Variants in TENM3 observed in about 807,000 individuals in gnomAD.
The protein encoded by TENM3 is teneurin-3.
In TENM3, 63 loss-of-function variants were observed where a neutral mutation model predicts 255.1. The ratio of observed to expected loss-of-function variants is 0.25; its 90% CI spans 0.20 to 0.30. The LOEUF (loss-of-function observed/expected upper bound fraction) is 0.30, where lower values mean the gene tolerates loss of function less well. TENM3 is among the 10% of genes least tolerant of loss of function. The pLI is 1.00. For missense variants in TENM3, 2,929 were observed against 3,461.1 expected (o/e 0.85, Z 3.86); for synonymous variants, 1,306 against 1,322.3 (o/e 0.99, Z 0.27).
At chr4:181,857,346 G>T in the TENM3 span, among the ~76,000 whole-genome samples, 3 of 150,384 alleles carry the variant, frequency 2.0e-5, no homozygotes, top group African/African-American at 7.3e-5. Context: ...GCTGGAGGGG[G>T]CAGGTGAGGG....
intron 1 of TENM3, among the ~76,000 whole-genome samples, chr4:182,269,631 A>G (rs975662592): frequency 1.3e-5 from 2 of 152,048 alleles, no homozygotes; most frequent in Non-Finnish European, 2.9e-5. Context: ...AACTAAGGGG[A>G]CTAATCCTTG....
chr4:182,298,601 A>G (rs1186359097), intron 1 of TENM3, among the ~76,000 whole-genome samples: 2 of 152,198 alleles, frequency 1.3e-5, no homozygotes, highest in African/African-American at 4.8e-5. Context: ...ATATATGGGA[A>G]TCAAGTACTT....
chr4:182,601,770 A>G (rs1747903229), intron 4 of TENM3, among the ~76,000 whole-genome samples: 1 of 152,192 alleles, frequency 6.6e-6, no homozygotes, highest in Non-Finnish European at 1.5e-5. Context: ...TTTTCCCTAC[A>G]ATGAACTGAA....
intron 13 of TENM3, among the ~76,000 whole-genome samples, chr4:182,718,176 T>TAA (rs565679903): frequency 6.8e-6 from 1 of 148,098 alleles, no homozygotes; most frequent in African/African-American, 2.5e-5. Flanking sequence ...TTATTACACG[T>TAA]AAAAAAAAAA....
chr4:181,932,471 CTCACGCCAGTTAGAATGGTGA>C, the TENM3 span, among the ~76,000 whole-genome samples: 2 of 152,214 alleles, frequency 1.3e-5, no homozygotes, highest in Admixed American at 1.3e-4. Context: ...GAGATACCAT[CTCACGCCAGTTAGAATGGTGA>C]TCATTAAAAA....
At chr4:181,924,670 A>C in the TENM3 span, among the ~76,000 whole-genome samples, 1 of 152,168 alleles carries the variant, frequency 6.6e-6, no homozygotes, top group Non-Finnish European at 1.5e-5. Flanking sequence ...TCATCTTTTA[A>C]ATAAGCTTCA....
At chr4:182,121,180 T>C in the TENM3 span, among the ~76,000 whole-genome samples, 88,752 of 151,392 alleles carry the variant, frequency 0.59, 26,254 homozygotes, top group Non-Finnish European at 0.63. Flanking sequence ...GTATTTTTAG[T>C]GGAGACGGGT....
At position 182,679,854 on chromosome 4, in the gene TENM3, G is replaced by T. The variant is rs1261177441; in HGVS notation, c.1515G>T (p.Val505=). 1 of 1,611,648 alleles carries T rather than the reference G, an allele frequency of 6.2e-7. No individual in the cohort carries two copies. The highest frequency in any genetic ancestry group is 2.2e-5 in the East Asian group (1 of 44,846). The part of the protein sequence containing the change: ...FYNDGKNAEQ[V]SFNTIVIESV... Reference sequence around the variant, plus strand: ...ATGATGGGAAAAATGCAGAGCAGGTGTCTTTTAATACCATTGTTATAGGTA... The same window carrying T: ...ATGATGGGAAAAATGCAGAGCAGGTTTCTTTTAATACCATTGTTATAGGTA... Residue 505 remains valine (V), a synonymous_variant, in exon 8 of 28, where the codon GTG becomes GTT. Transcript: ENST00000511685.
At chr4:181,994,229 G>C in the TENM3 span, among the ~76,000 whole-genome samples, 3 of 152,148 alleles carry the variant, frequency 2.0e-5, no homozygotes, top group African/African-American at 7.2e-5. Flanking sequence ...GTTGGTTCAA[G>C]TTAGTATCTT....
the TENM3 span, among the ~76,000 whole-genome samples, chr4:181,673,087 A>C: frequency 0.15 from 23,310 of 152,240 alleles, 2,216 homozygotes; most frequent in East Asian, 0.23. Flanking sequence ...GACCCTAGGC[A>C]TAGCCCTAGC....
chr4:182,084,168 G>A, the TENM3 span, among the ~76,000 whole-genome samples: 4 of 151,928 alleles, frequency 2.6e-5, no homozygotes, highest in African/African-American at 4.8e-5. Context: ...ATGGCCTCCC[G>A]CAGACTCGTT....
At chr4:182,723,854 C>G (rs1759949204) in intron 13 of TENM3, among the ~76,000 whole-genome samples, 1 of 152,158 alleles carries the variant, frequency 6.6e-6, no homozygotes, top group African/African-American at 2.4e-5. Flanking sequence ...CAGAGTTGAA[C>G]AGTCGCCATA....
At chr4:182,129,185 A>C in the TENM3 span, among the ~76,000 whole-genome samples, 2 of 152,236 alleles carry the variant, frequency 1.3e-5, no homozygotes, top group Non-Finnish European at 2.9e-5. Context: ...TTGCTAATGC[A>C]CATAGTCACA....
chr4:182,287,880 G>T (rs1258803771), intron 1 of TENM3, among the ~76,000 whole-genome samples: 1 of 151,866 alleles, frequency 6.6e-6, no homozygotes, highest in African/African-American at 2.4e-5. Context: ...CCCTCCCAAA[G>T]TGCTGGGATT....
At chr4:182,562,747 A>G (rs544773320) in intron 3 of TENM3, among the ~76,000 whole-genome samples, 4 of 152,032 alleles carry the variant, frequency 2.6e-5, no homozygotes, top group South Asian at 4.2e-4. Context: ...ATTATATCCA[A>G]CTTTGTGGGG....
chr4:182,628,928 A>G (rs770752107), intron 5 of TENM3, 39 bp downstream of exon 5: 3 of 1,205,380 alleles, frequency 2.5e-6, no homozygotes, highest in Non-Finnish European at 2.4e-6. Flanking sequence ...TCTGTAAATC[A>G]GGGTGTTACA....
intron 1 of TENM3, among the ~76,000 whole-genome samples, chr4:182,316,727 G>A (rs933361805): frequency 3.3e-5 from 5 of 152,152 alleles, no homozygotes; most frequent in African/African-American, 1.2e-4. Context: ...TCAGTACTCT[G>A]TGGAACACCC....
chr4:182,448,902 G>C, intron 3 of TENM3: 1 of 329,986 alleles, frequency 3.0e-6, no homozygotes, highest in Non-Finnish European at 6.2e-6. Flanking sequence ...AAGGGGTTAA[G>C]CGGCGCACCG....
chr4:181,700,200 C>G, the TENM3 span, among the ~76,000 whole-genome samples: 1 of 147,048 alleles, frequency 6.8e-6, no homozygotes, highest in Non-Finnish European at 1.5e-5. Context: ...GTCAGCATTT[C>G]TAAGTTTGAT....
Sources: allele counts gnomAD v4.1 joint callset (sites outside exome capture counted in the v4.1 genomes callset), GRCh38; gene constraint gnomAD v4.1.1; transcripts MANE v1.5; gene names NCBI Gene and HGNC (gene_info 2026-07-23, HGNC 2026-07-21).